The following ABCG1 variants were observed in gnomAD, a reference collection of about 807,000 sequenced individuals.
ABCG1 encodes ATP-binding cassette sub-family G member 1.
In ABCG1, 29 loss-of-function variants were observed where a neutral mutation model predicts 69.2. That is an observed-to-expected ratio of 0.42 (90% CI 0.31 to 0.57). The LOEUF (loss-of-function observed/expected upper bound fraction) is 0.57, where lower values mean the gene tolerates loss of function less well. ABCG1 is among the 20% of genes least tolerant of loss of function. The probability of loss-of-function intolerance (pLI) is 0.15; values close to 1 mark genes in which losing one functional copy is unlikely to be tolerated. For missense variants in ABCG1, 718 were observed against 898.1 expected, an observed-to-expected ratio of 0.80 and a Z score of 2.56; for synonymous variants, 370 against 374.8, an observed-to-expected ratio of 0.99 and a Z score of 0.15.
chr21:42,260,907 C>T (rs1013620924), intron 2 of ABCG1, among the ~76,000 whole-genome samples: 96 of 152,166 alleles, frequency 6.3e-4, no homozygotes, highest in African/African-American at 2.0e-3. Context: ...CAACCTCCTC[C>T]GCCTCCCTCG....
chr21:42,293,830 C>T (rs893658976), intron 13 of ABCG1, among the ~76,000 whole-genome samples: 5 of 149,532 alleles, frequency 3.3e-5, no homozygotes, highest in East Asian at 4.1e-4. Context: ...CCACTCACTG[C>T]GCACACAGAC....
intron 5 of ABCG1, among the ~76,000 whole-genome samples, chr21:42,277,192 G>T (rs2068726716): frequency 6.6e-6 from 1 of 152,182 alleles, no homozygotes; most frequent in Non-Finnish European, 1.5e-5. Context: ...GGAATGTAAT[G>T]TGAGGGACAA....
chr21:42,291,456 G>A lies in ABCG1; in HGVS notation c.1495-42G>A, dbSNP rs2069057645. ...AGCTTTGCTGTTGGCCTGCTGTGGT[G>A]GGAAGCGGCTGAGCCCGCGGCTGAC... On this transcript the variant is annotated intron_variant, in intron 12 of 14. Transcript: ENST00000398449. This position sits in a 1 kb window ranked among gnomAD's most constrained non-coding sequence, Gnocchi z 6.4. 3.8e-6 allele frequency: 6 copies of A among 1,582,118 alleles called. No homozygotes were observed. Among genetic ancestry groups the A allele is most frequent in the Non-Finnish European group, 5.2e-6 (6 of 1,159,198 alleles).
chr21:42,281,297 G>A (rs1392296637), intron 5 of ABCG1, among the ~76,000 whole-genome samples: 1 of 152,208 alleles, frequency 6.6e-6, no homozygotes, highest in Non-Finnish European at 1.5e-5. Context: ...GGGGACAATA[G>A]CTGGGTGAAT....
chr21:42,262,509 A>G (rs2068431055), intron 2 of ABCG1, among the ~76,000 whole-genome samples: 1 of 152,168 alleles, frequency 6.6e-6, no homozygotes, highest in African/African-American at 2.4e-5. Context: ...ATGAGGGGAA[A>G]GGCTTGAAAT....
chr21:42,250,416 G>T (rs1191511716), intron 2 of ABCG1, among the ~76,000 whole-genome samples: 1 of 152,164 alleles, frequency 6.6e-6, no homozygotes, highest in Non-Finnish European at 1.5e-5. Context: ...TCCCGTGGGT[G>T]CTCTGGGCAT....
chr21:42,250,551 C>G (rs997029307), intron 2 of ABCG1, among the ~76,000 whole-genome samples: 2 of 152,164 alleles, frequency 1.3e-5, no homozygotes, highest in South Asian at 2.1e-4. Flanking sequence ...CTGGGACCTC[C>G]CAGGGAATGA....
At chr21:42,269,442 GC>G (rs1404989411) in intron 2 of ABCG1, among the ~76,000 whole-genome samples, 3 of 152,118 alleles carry the variant, frequency 2.0e-5, no homozygotes, top group Non-Finnish European at 4.4e-5. Context: ...ATCTGTGTAG[GC>G]CTCAAGTGCT....
intron 2 of ABCG1, among the ~76,000 whole-genome samples, chr21:42,270,192 G>A (rs907860594): frequency 7.0e-6 from 1 of 143,540 alleles, no homozygotes; most frequent in African/African-American, 2.7e-5. Context: ...CCCGGGAGGC[G>A]GAACTTGCAG....
intron 2 of ABCG1, chr21:42,259,174 G>A: frequency 7.2e-7 from 1 of 1,381,828 alleles, no homozygotes; most frequent in South Asian, 1.6e-5. Context: ...ATGTCTTGGT[G>A]TGAGAGAGAC....
upstream of ABCG1, among the ~76,000 whole-genome samples, chr21:42,212,675 G>C (rs1270304722): frequency 2.0e-5 from 3 of 151,722 alleles, no homozygotes; most frequent in African/African-American, 7.3e-5. Context: ...ATGGTAAAAT[G>C]TGAGAAGGGA....
chr21:42,273,329 T>A lies in ABCG1; in HGVS notation c.431T>A (p.Leu144His), dbSNP rs1041984945. The A allele has an allele frequency of 8.7e-6, 14 of 1,613,586 alleles. No homozygotes were observed. Among genetic ancestry groups the A allele is most frequent in the Non-Finnish European group, 1.2e-5 (14 of 1,179,900 alleles). ...YRETGMKGAVLINGLPRDLRC... is the reference protein window; with the variant it reads ...YRETGMKGAVHINGLPRDLRC... ...GAGACGGGCATGAAGGGGGCCGTCC[T>A]CATCAACGGCCTGCCCCGGGACCTG... is the stretch of plus-strand genomic sequence containing the variant. Residue 144 changes from leucine (L) to histidine (H), a missense_variant, in exon 4 of 15, where the codon CTC becomes CAC. By Grantham distance (99) the Leu-to-His change is moderately conservative. Around this residue, in one of 2 missense-constraint regions of ABCG1, gnomAD observed 514 missense variants for 574.3 expected, o/e 0.90. Coordinates refer to ENST00000398449, the MANE Select transcript of ABCG1 (RefSeq NM_016818.3). This position sits in a 1 kb window ranked among gnomAD's most constrained non-coding sequence, Gnocchi z 5.3.
At chr21:42,214,785 C>T (rs928161453), upstream of ABCG1, among the ~76,000 whole-genome samples, 1 of 152,240 alleles carries the variant, frequency 6.6e-6, no homozygotes, top group Non-Finnish European at 1.5e-5. Flanking sequence ...ACAAACATCT[C>T]TCTGCAGCCT....
chr21:42,208,223 C>CA lies in ABCG1; in HGVS notation c.48+6500_48+6501insA, dbSNP rs1335502819. Among the ~76,000 whole-genome samples, 784 of 133,684 alleles carry CA rather than the reference C, an allele frequency of 5.9e-3. 1 individual carries two copies. The highest frequency in any genetic ancestry group is 0.013 in the Admixed American group (176 of 13,520). The allele number at this position is 133,684 out of a possible 152,430, so 87.7% of individuals were successfully genotyped here. A position where few individuals can be genotyped will look rare whatever the true frequency, so the allele number is the denominator to read the frequency against. On this transcript the variant is annotated intron_variant, in intron 2 of 15. Coordinates refer to the ABCG1 transcript ENST00000398457. ...TAGAGAGAGCAGGCTTTTGTTGGGA[C>CA]TTTTTTTTTTTTTTTTGGTCTGTGC...
At chr21:42,234,063 T>C (rs1833078230) in intron 2 of ABCG1, among the ~76,000 whole-genome samples, 1 of 152,196 alleles carries the variant, frequency 6.6e-6, no homozygotes, top group South Asian at 2.1e-4. Context: ...AAATAACTGG[T>C]GTTTACTGAG....
Position 42,284,517 on chromosome 21 carries a change from TC to T in ABCG1, c.735-41del, listed in dbSNP as rs374316502. 26 of 1,604,442 alleles carry T rather than the reference TC, an allele frequency of 1.6e-5. No homozygotes were observed. The Middle Eastern group carries it at 1.5e-3, about 92-fold the overall frequency. ...CCCGGAACCTGGGGCAGTGGCTAGT[TC>T]CTGCCGCCCGCAGGCGTCTCACGGT... On this transcript the variant is annotated intron_variant, in intron 6 of 14. Coordinates refer to ENST00000398449, the MANE Select transcript of ABCG1 (RefSeq NM_016818.3).
chr21:42,234,885 C>G (rs2067955215), intron 2 of ABCG1, among the ~76,000 whole-genome samples: 1 of 151,584 alleles, frequency 6.6e-6, no homozygotes. Context: ...CCGCCCGCGC[C>G]GGGGTTACTA....
intron 2 of ABCG1, among the ~76,000 whole-genome samples, chr21:42,248,130 AAAG>A (rs1439695349): frequency 6.6e-6 from 1 of 152,212 alleles, no homozygotes; most frequent in Admixed American, 6.5e-5. Flanking sequence ...AGAGGAGGAT[AAAG>A]AAGATTAGGT....
chr21:42,253,848 C>T (rs994034053), intron 2 of ABCG1, among the ~76,000 whole-genome samples: 1 of 152,112 alleles, frequency 6.6e-6, no homozygotes, highest in Non-Finnish European at 1.5e-5. Context: ...CTTGGGGTGC[C>T]TAAGGGAGAC....
Sources: gnomAD v4.1 joint callset for allele counts (sites outside exome capture counted in the v4.1 genomes callset) on GRCh38, gnomAD v4.1.1 for gene constraint, gnomAD v4.1.1 regional missense constraint, Gnocchi (gnomAD v3.1) non-coding constraint, MANE v1.5 for transcripts, NCBI Gene and HGNC (gene_info 2026-07-23, HGNC 2026-07-21) for gene names.